The following AGTPBP1 variants were observed in gnomAD, a reference collection of about 807,000 sequenced individuals.
The protein encoded by AGTPBP1 is ATP/GTP binding carboxypeptidase 1, also known as cytosolic carboxypeptidase 1.
Under a neutral mutation model 143.9 loss-of-function variants are expected in AGTPBP1, and 70 were observed. The observed-to-expected ratio is 0.49, with a 90% confidence interval of 0.40 to 0.59. The LOEUF (loss-of-function observed/expected upper bound fraction) is 0.59. AGTPBP1 is among the 20% of genes least tolerant of loss of function. The pLI is 0.00. For synonymous variants in AGTPBP1, 463 were observed against 500.2 expected, an observed-to-expected ratio of 0.93 and a Z score of 0.99; for missense variants, 1,229 against 1,464.5, an observed-to-expected ratio of 0.84 and a Z score of 2.62.
chr9:85,582,722 T>A (rs2133131802), intron 23 of AGTPBP1, among the ~76,000 whole-genome samples: 1 of 152,148 alleles, frequency 6.6e-6, no homozygotes, highest in East Asian at 1.9e-4. Context: ...ATTTGTTGTA[T>A]TTTCCCGCAA....
At chr9:85,717,997 AG>A (rs1837830642) in intron 1 of AGTPBP1, among the ~76,000 whole-genome samples, 1 of 152,174 alleles carries the variant, frequency 6.6e-6, no homozygotes, top group Non-Finnish European at 1.5e-5. Context: ...GTCCCTGCAA[AG>A]GACATGAACT....
intron 25 of AGTPBP1, among the ~76,000 whole-genome samples, chr9:85,548,669 T>G (rs976634045): frequency 3.5e-5 from 5 of 143,180 alleles, no homozygotes; most frequent in Non-Finnish European, 5.9e-5. Flanking sequence ...GCTTTGGTTT[T>G]TTTTTGTTTT....
chr9:85,612,886 T>G (rs1830402172), intron 17 of AGTPBP1, among the ~76,000 whole-genome samples: 1 of 151,752 alleles, frequency 6.6e-6, no homozygotes, highest in Non-Finnish European at 1.5e-5. Context: ...AAACAGGTTT[T>G]TTTTTTTTCT....
chr9:85,568,484 A>T (rs928436003), intron 25 of AGTPBP1, among the ~76,000 whole-genome samples: 4 of 152,200 alleles, frequency 2.6e-5, no homozygotes, highest in African/African-American at 7.2e-5. Context: ...CTCAAAGAGG[A>T]GAGGAAGGTG....
chr9:85,802,637 C>T, the AGTPBP1 span, among the ~76,000 whole-genome samples: 217 of 152,198 alleles, frequency 1.4e-3, no homozygotes, highest in African/African-American at 4.6e-3. Flanking sequence ...GTAGGCTAAA[C>T]TGCTATAACA....
chr9:85,578,999 A>G lies in AGTPBP1; in HGVS notation c.3263T>C (p.Val1088Ala). 6.2e-7 allele frequency: 1 copy of G among 1,612,706 alleles called. No individual in the cohort carries two copies. The highest frequency in any genetic ancestry group is 8.5e-7 in the Non-Finnish European group (1 of 1,179,534). Reference sequence around the variant, plus strand: ...TTGTACTCCTATTTCCCTCCAAACTACAACACGTGCTGTGGATTCTTTAGA... The same window carrying G: ...TTGTACTCCTATTTCCCTCCAAACTGCAACACGTGCTGTGGATTCTTTAGA... Reference protein sequence around the residue: ...EKSKESTARVVVWREIGVQRS... With the variant: ...EKSKESTARVAVWREIGVQRS... Residue 1088 changes from valine (V) to alanine (A), a missense_variant, in exon 24 of 26, where the codon GTA (valine) becomes GCA (alanine). Around this residue, in one of 2 missense-constraint regions of AGTPBP1, gnomAD observed 486 missense variants for 652.3 expected, o/e 0.75. Coordinates refer to ENST00000357081, the MANE Select transcript of AGTPBP1 (RefSeq NM_001330701.2).
chr9:85,643,872 T>C (rs1403420877), intron 12 of AGTPBP1, among the ~76,000 whole-genome samples: 1 of 152,236 alleles, frequency 6.6e-6, no homozygotes, highest in East Asian at 1.9e-4. Flanking sequence ...ATCTTTGTTA[T>C]GGCTGAAGAG....
At chr9:85,777,713 C>G in the AGTPBP1 span, among the ~76,000 whole-genome samples, 1 of 152,342 alleles carries the variant, frequency 6.6e-6, no homozygotes, top group Non-Finnish European at 1.5e-5. Flanking sequence ...ACCTCTTCCC[C>G]AAAATTCTTT....
chr9:85,751,077 G>T, the AGTPBP1 span, among the ~76,000 whole-genome samples: 2 of 152,182 alleles, frequency 1.3e-5, no homozygotes, highest in African/African-American at 4.8e-5. Flanking sequence ...ACTGCAGTCT[G>T]CATTTTCTCT....
chr9:85,587,030 C>T, intron 21 of AGTPBP1, 70 bp from the exon 22 acceptor site: 1 of 1,564,148 alleles, frequency 6.4e-7, no homozygotes, highest in Non-Finnish European at 8.7e-7. Flanking sequence ...TTTCTTAAAC[C>T]CTTATATACA....
chr9:85,758,642 C>G, the AGTPBP1 span, among the ~76,000 whole-genome samples: 3 of 151,950 alleles, frequency 2.0e-5, no homozygotes, highest in Admixed American at 6.6e-5. Context: ...AAAACTCCAT[C>G]TCAACAAAAA....
At position 85,592,639 on chromosome 9, in the gene AGTPBP1, G is replaced by T; in HGVS notation, c.2489C>A (p.Thr830Lys). The T allele has an allele frequency of 6.2e-7, 1 of 1,612,344 alleles. No homozygotes were observed. The highest frequency in any genetic ancestry group is 8.5e-7 in the Non-Finnish European group (1 of 1,179,222). Residue 830 changes from threonine (T) to lysine (K), a missense_variant, in exon 19 of 26, where the codon ACA becomes AAA. Around this residue, in one of 2 missense-constraint regions of AGTPBP1, gnomAD observed 486 missense variants for 652.3 expected, o/e 0.75. Transcript: ENST00000357081. Reference protein sequence around the residue: ...GQKGKSYYTITFTVNFPHKDD... With the variant: ...GQKGKSYYTIKFTVNFPHKDD... The stretch of plus-strand genomic sequence containing the variant: ...TTTATGTGGAAAATTGACAGTAAAT[G>T]TAATTGTATAGTAGGATTTTCCCTT...
At chr9:85,642,374 G>A (rs918712124) in intron 13 of AGTPBP1, among the ~76,000 whole-genome samples, 82 of 151,656 alleles carry the variant, frequency 5.4e-4, no homozygotes, top group African/African-American at 1.9e-3. Context: ...CTGTCACCAG[G>A]CTGGAGTGTA....
chr9:85,576,979 G>C (rs1349933253), intron 24 of AGTPBP1, among the ~76,000 whole-genome samples: 1 of 151,736 alleles, frequency 6.6e-6, no homozygotes, highest in African/African-American at 2.4e-5. Flanking sequence ...ATTTGTAAAA[G>C]TTTATATATT....
chr9:85,768,663 C>A, the AGTPBP1 span, among the ~76,000 whole-genome samples: 2 of 152,012 alleles, frequency 1.3e-5, no homozygotes, highest in African/African-American at 4.8e-5. Context: ...CCTTATGGAG[C>A]AATTATCAAA....
chr9:85,609,132 C>T (rs1475801203), intron 17 of AGTPBP1, among the ~76,000 whole-genome samples: 1 of 151,992 alleles, frequency 6.6e-6, no homozygotes, highest in Non-Finnish European at 1.5e-5. Context: ...ATTATATACA[C>T]ACATACATAA....
the AGTPBP1 span, among the ~76,000 whole-genome samples, chr9:85,749,874 C>T: frequency 1.6e-4 from 20 of 127,266 alleles, no homozygotes; most frequent in African/African-American, 6.3e-4. Context: ...ATTAGAAGTA[C>T]TCCTGTATCC....
the AGTPBP1 span, among the ~76,000 whole-genome samples, chr9:85,751,916 C>T: frequency 4.0e-5 from 6 of 151,146 alleles, no homozygotes; most frequent in Admixed American, 6.6e-5. Context: ...AACATCGCAC[C>T]TCTTGACTTG....
chr9:85,652,392 GTCCCAGCT>G (rs771782352), intron 11 of AGTPBP1, among the ~76,000 whole-genome samples: 90 of 152,192 alleles, frequency 5.9e-4, no homozygotes, highest in Non-Finnish European at 9.4e-4. Context: ...CACACCTGTA[GTCCCAGCT>G]ACTTGGGTGG....
Sources: gnomAD v4.1 joint callset for allele counts (sites outside exome capture counted in the v4.1 genomes callset) on GRCh38, gnomAD v4.1.1 for gene constraint, gnomAD v4.1.1 regional missense constraint, MANE v1.5 for transcripts, NCBI Gene and HGNC (gene_info 2026-07-23, HGNC 2026-07-21) for gene names.